CHRM3: variants seen among roughly 807,000 people sequenced by gnomAD.
CHRM3 encodes cholinergic receptor muscarinic 3.
A neutral mutation model predicts 41.8 loss-of-function variants in CHRM3; 11 were observed. The observed-to-expected ratio is 0.26, with a 90% CI of 0.17 to 0.44. CHRM3 has a LOEUF of 0.44. CHRM3 is among the 20% of genes least tolerant of loss of function. CHRM3 has a pLI of 1.00. For synonymous variants in CHRM3, 297 were observed against 301.4 expected (o/e 0.99, Z 0.15); for missense variants, 571 against 745.4 (o/e 0.77, Z 2.72).
Position 239,553,362 on chromosome 1 carries a change from C to T in CHRM3, c.-313+7613C>T, listed in dbSNP as rs1660050630. On this transcript the variant is annotated intron_variant, in intron 3 of 6. Transcript: ENST00000676153. ...AACTCATAATTAAAGATTTCCCCTA[C>T]TATGCTTCCGTGGGAACCAATGTGC... Among the ~76,000 whole-genome samples, 6 of 152,174 alleles carry T rather than the reference C, an allele frequency of 3.9e-5. No homozygotes were observed. The South Asian group carries it at 1.2e-3, about 32-fold the overall frequency.
intron 5 of CHRM3, among the ~76,000 whole-genome samples, chr1:239,725,019 T>C (rs1429588690): frequency 6.6e-6 from 1 of 151,902 alleles, no homozygotes; most frequent in Non-Finnish European, 1.5e-5. Context: ...GTGTGCACTC[T>C]CAGCTGTGTT....
chr1:239,738,109 C>T (rs1048447636), intron 5 of CHRM3, among the ~76,000 whole-genome samples: 1 of 152,094 alleles, frequency 6.6e-6, no homozygotes, highest in African/African-American at 2.4e-5. Flanking sequence ...ACTTTAAAAA[C>T]GAATATGGGG....
intron 1 of CHRM3, among the ~76,000 whole-genome samples, chr1:239,408,056 G>A (rs1449534000): frequency 6.6e-6 from 1 of 152,098 alleles, no homozygotes; most frequent in African/African-American, 2.4e-5. Context: ...TAATCCCCAT[G>A]TGTGGTGAGA....
chr1:239,602,658 A>G (rs538807814), intron 3 of CHRM3, among the ~76,000 whole-genome samples: 5 of 152,166 alleles, frequency 3.3e-5, no homozygotes, highest in Admixed American at 6.5e-5. Context: ...GTGTAGCATT[A>G]TTTGCAGTAA....
chr1:239,867,255 T>G (rs890965945), intron 6 of CHRM3, among the ~76,000 whole-genome samples: 2 of 152,272 alleles, frequency 1.3e-5, no homozygotes, highest in African/African-American at 4.8e-5. Flanking sequence ...AAGATTGTGC[T>G]GAGGACGGCG....
intron 1 of CHRM3, among the ~76,000 whole-genome samples, chr1:239,396,578 C>A (rs1659498428): frequency 6.6e-6 from 1 of 152,148 alleles, no homozygotes; most frequent in Non-Finnish European, 1.5e-5. Flanking sequence ...GGTGCCACTG[C>A]ACTCCAGCCT....
chr1:239,900,433 T>C (rs1348015609), intron 6 of CHRM3, among the ~76,000 whole-genome samples: 1 of 151,386 alleles, frequency 6.6e-6, no homozygotes, highest in African/African-American at 2.4e-5. Context: ...TCTCCTGTTG[T>C]CATCCTGGGT....
intron 6 of CHRM3, among the ~76,000 whole-genome samples, chr1:239,883,044 T>C (rs927480431): frequency 6.6e-6 from 1 of 152,230 alleles, no homozygotes; most frequent in Non-Finnish European, 1.5e-5. Flanking sequence ...GCATGGGATA[T>C]TTCTTTATAG....
intron 1 of CHRM3, among the ~76,000 whole-genome samples, chr1:239,443,883 C>T (rs1256347436): frequency 1.3e-5 from 2 of 152,198 alleles, no homozygotes; most frequent in Admixed American, 1.3e-4. Context: ...TTGAAATCCA[C>T]ATTGGAGTCT....
At chr1:239,609,055 AATC>A (rs955251257) in intron 3 of CHRM3, among the ~76,000 whole-genome samples, 15 of 152,200 alleles carry the variant, frequency 9.9e-5, no homozygotes, top group African/African-American at 2.7e-4. Context: ...CACATGTGAA[AATC>A]ATCAACAAAA....
rs1658532709 is a variant in CHRM3 at position 239,386,649 on chromosome 1, C to G, written c.-1099C>G. ...GAGAGGAGGAGCGGCCAGCAGTAGCCACGACCGCCACCACCAGGCAGAGGA... is the reference window on the plus strand; with the variant it reads ...GAGAGGAGGAGCGGCCAGCAGTAGCGACGACCGCCACCACCAGGCAGAGGA... On this transcript the variant is annotated 5_prime_UTR_variant, in exon 1 of 7. Transcript: ENST00000676153. The G allele has an allele frequency of 6.5e-6, 1 of 153,852 alleles. No homozygotes were observed. The highest frequency in any genetic ancestry group is 2.4e-5 in the African/African-American group (1 of 41,468). 9.5% of individuals were successfully genotyped at this position (153,852 alleles called of 1,614,324 possible). A position where few individuals can be genotyped will look rare whatever the true frequency, so the allele number is the denominator to read the frequency against.
intron 6 of CHRM3, among the ~76,000 whole-genome samples, chr1:239,828,790 A>G (rs1040847199): frequency 9.2e-5 from 14 of 152,154 alleles, no homozygotes; most frequent in African/African-American, 3.1e-4. Context: ...GTGCTAAGGA[A>G]TGATGTGATC....
chr1:239,580,698 T>TATATAA (rs1662798949), intron 3 of CHRM3, among the ~76,000 whole-genome samples: 1 of 130,744 alleles, frequency 7.6e-6, no homozygotes, highest in South Asian at 2.4e-4. Context: ...TTTATATATA[T>TATATAA]ATATATACAC....
At chr1:239,783,080 A>C (rs1260352424) in intron 5 of CHRM3, among the ~76,000 whole-genome samples, 1 of 151,868 alleles carries the variant, frequency 6.6e-6, no homozygotes, top group Non-Finnish European at 1.5e-5. Context: ...ATACTCTAAT[A>C]CTTTTGTCTG....
chr1:239,871,003 C>T (rs1006364156), intron 6 of CHRM3, among the ~76,000 whole-genome samples: 2 of 152,064 alleles, frequency 1.3e-5, no homozygotes, highest in Admixed American at 6.6e-5. Context: ...TGCTGCTCTT[C>T]CTGACCCATC....
chr1:239,659,181 G>A (rs745642853), intron 4 of CHRM3, among the ~76,000 whole-genome samples: 4 of 151,964 alleles, frequency 2.6e-5, no homozygotes, highest in African/African-American at 7.3e-5. Context: ...CTTTCTATAC[G>A]TGTTCTCTGC....
At chr1:239,841,184 G>T (rs1219083033) in intron 6 of CHRM3, among the ~76,000 whole-genome samples, 1 of 152,174 alleles carries the variant, frequency 6.6e-6, no homozygotes, top group Non-Finnish European at 1.5e-5. Flanking sequence ...CAAATTTGAT[G>T]GAGGCTTTGC....
chr1:239,835,319 T>C (rs553472389), intron 6 of CHRM3, among the ~76,000 whole-genome samples: 42 of 152,196 alleles, frequency 2.8e-4, no homozygotes, highest in Admixed American at 3.3e-4. Flanking sequence ...CCTTTTCTTA[T>C]TCCTTCCTTC....
In CHRM3 at chr1:239,909,134, C is replaced by A; in HGVS notation, c.1683C>A (p.Cys561Ter). ...CCACTTTCAAGATGCTGCTGCTGTG[C>A]CAGTGTGACAAAAAAAAGAGGCGCA... is the stretch of plus-strand genomic sequence containing the variant. ...FRTTFKMLLL[C>*]QCDKKKRRKQ... Residue 561 changes from cysteine to a stop codon, truncating the protein, a stop_gained, in exon 7 of 7, where the codon TGC becomes TGA. Transcript: ENST00000676153. LOFTEE classifies it high-confidence loss of function. 6.2e-7 allele frequency: 1 copy of A among 1,614,036 alleles called. No homozygotes were observed. The highest frequency in any genetic ancestry group is 8.5e-7 in the Non-Finnish European group (1 of 1,180,026).
Sources: gnomAD v4.1 joint callset for allele counts (sites outside exome capture counted in the v4.1 genomes callset) on GRCh38, gnomAD v4.1.1 for gene constraint, MANE v1.5 for transcripts, NCBI Gene and HGNC (gene_info 2026-07-23, HGNC 2026-07-21) for gene names.